Variants in CHRM3 observed in about 807,000 individuals in gnomAD.
CHRM3 encodes the protein muscarinic acetylcholine receptor M3.
A neutral mutation model predicts 41.8 loss-of-function variants in CHRM3; 11 were observed. That is an observed-to-expected ratio of 0.26 (90% CI 0.17 to 0.44). The LOEUF (loss-of-function observed/expected upper bound fraction) is 0.44. Among genes scored for constraint, CHRM3 ranks in the 20% least tolerant of loss-of-function variants. The probability of loss-of-function intolerance (pLI) is 1.00; values close to 1 mark genes in which losing one functional copy is unlikely to be tolerated. For missense variants in CHRM3, 571 were observed against 745.4 expected (o/e 0.77, Z 2.72); for synonymous variants, 297 against 301.4 (o/e 0.99, Z 0.15).
In CHRM3 at chr1:239,577,667, G is replaced by T. The variant is rs536709259; in HGVS notation, c.-313+31918G>T. On this transcript the variant is annotated intron_variant, in intron 3 of 6. Transcript: ENST00000676153. ...ACAAATTACTTAATCATTTCGCATT[G>T]GTACCTGTTCCATTATAGAATCCTG... Among the ~76,000 whole-genome samples, 28 of 152,164 alleles carry T rather than the reference G, an allele frequency of 1.8e-4. No individual in the cohort carries two copies. In the South Asian group the frequency reaches 5.8e-3, roughly 32 times the overall value.
chr1:239,689,369 G>A (rs1373647471), intron 5 of CHRM3, among the ~76,000 whole-genome samples: 2 of 151,900 alleles, frequency 1.3e-5, no homozygotes, highest in African/African-American at 2.4e-5. Flanking sequence ...CTTTGTGCAC[G>A]CAGAAAGACT....
intron 5 of CHRM3, among the ~76,000 whole-genome samples, chr1:239,757,474 C>CA (rs1259411698): frequency 2.0e-5 from 3 of 151,868 alleles, no homozygotes; most frequent in African/African-American, 7.3e-5. Flanking sequence ...ACTAAAAATA[C>CA]AAAAAATTAG....
In CHRM3 at chr1:239,826,582, G is replaced by A. The variant is rs1373827372; in HGVS notation, c.-146-670G>A. The stretch of plus-strand genomic sequence containing the variant: ...GCAAAAAAATTACCTTAATCTACAG[G>A]AATGAAGAAATGAAAAGTATCGGGA... On this transcript the variant is annotated intron_variant, in intron 5 of 6. Transcript: ENST00000676153. Among the ~76,000 whole-genome samples the A allele has an allele frequency of 2.6e-5, 4 of 152,116 alleles. No homozygotes were observed. In the East Asian group the frequency reaches 7.7e-4, roughly 29 times the overall value.
intron 4 of CHRM3, among the ~76,000 whole-genome samples, chr1:239,639,352 G>C (rs544712973): frequency 6.6e-6 from 1 of 152,164 alleles, no homozygotes; most frequent in Admixed American, 6.5e-5. Context: ...AATTACCTTG[G>C]ACAGTATGGC....
intron 3 of CHRM3, among the ~76,000 whole-genome samples, chr1:239,571,485 A>G (rs1412518818): frequency 1.3e-5 from 2 of 151,954 alleles, no homozygotes; most frequent in East Asian, 3.9e-4. Context: ...AGTGTAGAGC[A>G]GTCTTGGAGA....
At position 239,825,106 on chromosome 1, in the gene CHRM3, A is replaced by T. The variant is rs554972106; in HGVS notation, c.-146-2146A>T. Among the ~76,000 whole-genome samples the T allele has an allele frequency of 2.6e-5, 4 of 152,362 alleles. No homozygotes were observed. The South Asian group carries it at 6.2e-4, about 24-fold the overall frequency. On this transcript the variant is annotated intron_variant, in intron 5 of 6. Coordinates refer to ENST00000676153, the MANE Select transcript of CHRM3 (RefSeq NM_001375978.1). ...ATTTCTTCAGGCCTGTCCTTATGGGACATACAGTCCAGCGGATGCCTTTTT... is the reference window on the plus strand; with the variant it reads ...ATTTCTTCAGGCCTGTCCTTATGGGTCATACAGTCCAGCGGATGCCTTTTT...
At chr1:239,519,909 C>T (rs528280651) in intron 2 of CHRM3, among the ~76,000 whole-genome samples, 4 of 151,750 alleles carry the variant, frequency 2.6e-5, no homozygotes, top group Admixed American at 1.3e-4. Context: ...CACCACACCC[C>T]GCTAATTTTT....
intron 5 of CHRM3, among the ~76,000 whole-genome samples, chr1:239,810,585 T>A (rs755879111): frequency 3.3e-5 from 5 of 152,236 alleles, no homozygotes; most frequent in Non-Finnish European, 7.3e-5. Flanking sequence ...TCCCAAATGT[T>A]ATTTGCCTGA....
At chr1:239,607,667 AG>A (rs1346464226) in intron 3 of CHRM3, among the ~76,000 whole-genome samples, 1 of 152,170 alleles carries the variant, frequency 6.6e-6, no homozygotes, top group Non-Finnish European at 1.5e-5. Flanking sequence ...ACTAAAAAAA[AG>A]GCTTAGTAAA....
intron 5 of CHRM3, among the ~76,000 whole-genome samples, chr1:239,806,919 T>C (rs1407333877): frequency 1.3e-5 from 2 of 152,214 alleles, no homozygotes; most frequent in Non-Finnish European, 2.9e-5. Context: ...GCGTACATTC[T>C]GTTTTGAGAG....
intron 6 of CHRM3, among the ~76,000 whole-genome samples, chr1:239,867,715 A>G (rs962430560): frequency 3.3e-5 from 5 of 151,022 alleles, no homozygotes; most frequent in African/African-American, 1.2e-4. Flanking sequence ...GTCCAGGTAT[A>G]TGATGAGATG....
rs529094042 is a variant in CHRM3 at position 239,442,372 on chromosome 1, G to A, written c.-520-50337G>A. Among the ~76,000 whole-genome samples the A allele has an allele frequency of 7.9e-5, 12 of 152,130 alleles. No homozygotes were observed. In the South Asian group the frequency reaches 2.5e-3, roughly 32 times the overall value. ...TCCACCCGTCTCAGCCTCCCAAAAT[G>A]TTAGGATTACAGGCGTGAGCCGCTG... is the stretch of plus-strand genomic sequence containing the variant. On this transcript the variant is annotated intron_variant, in intron 1 of 6. Transcript: ENST00000676153.
chr1:239,815,576 C>G (rs762655189), intron 5 of CHRM3, among the ~76,000 whole-genome samples: 4 of 152,052 alleles, frequency 2.6e-5, no homozygotes, highest in Admixed American at 1.3e-4. Context: ...TTACATCTTG[C>G]AAAAAAGTAA....
chr1:239,526,498 G>T (rs1053304611), intron 2 of CHRM3, among the ~76,000 whole-genome samples: 3 of 152,056 alleles, frequency 2.0e-5, no homozygotes, highest in Non-Finnish European at 4.4e-5. Context: ...ACCAATGCTG[G>T]CCTGGGTGTC....
intron 5 of CHRM3, among the ~76,000 whole-genome samples, chr1:239,722,748 G>A (rs1401274261): frequency 9.9e-5 from 15 of 151,860 alleles, no homozygotes; most frequent in Admixed American, 8.5e-4. Context: ...AAACTGAATT[G>A]TTTCTGGCCT....
At chr1:239,832,987 C>T (rs899338125) in intron 6 of CHRM3, among the ~76,000 whole-genome samples, 1 of 152,144 alleles carries the variant, frequency 6.6e-6, no homozygotes, top group African/African-American at 2.4e-5. Context: ...GTCCCAGCCT[C>T]ATTTTTCCCA....
At chr1:239,834,415 C>T (rs570364643) in intron 6 of CHRM3, among the ~76,000 whole-genome samples, 10 of 147,386 alleles carry the variant, frequency 6.8e-5, no homozygotes, top group South Asian at 6.5e-4. Flanking sequence ...CAGGTTCAAA[C>T]GATTCTCCTG....
intron 1 of CHRM3, among the ~76,000 whole-genome samples, chr1:239,411,425 C>G (rs1229238255): frequency 6.6e-6 from 1 of 151,978 alleles, no homozygotes; most frequent in Admixed American, 6.6e-5. Context: ...GAAAGAAAAA[C>G]AAATAAGAAA....
intron 4 of CHRM3, among the ~76,000 whole-genome samples, chr1:239,644,677 T>A (rs1275212049): frequency 6.6e-6 from 1 of 152,190 alleles, no homozygotes; most frequent in Non-Finnish European, 1.5e-5. Context: ...CGGAGTGGAC[T>A]CTTTGACACT....
Sources: gnomAD v4.1 joint callset for allele counts (sites outside exome capture counted in the v4.1 genomes callset) on GRCh38, gnomAD v4.1.1 for gene constraint, MANE v1.5 for transcripts, NCBI Gene and HGNC (gene_info 2026-07-23, HGNC 2026-07-21) for gene names.